WDFY4: variants seen among roughly 807,000 people sequenced by gnomAD.
The protein encoded by WDFY4 is WDFY family member 4, also known as WD repeat- and FYVE domain-containing protein 4.
A neutral mutation model predicts 351.9 loss-of-function variants in WDFY4; 169 were observed. That is an observed-to-expected ratio of 0.48 (90% CI 0.42 to 0.55). WDFY4 has a LOEUF of 0.55. WDFY4 is among the 20% of genes least tolerant of loss of function. The pLI is 0.00. For synonymous variants in WDFY4, 1,622 were observed against 1,574.6 expected (o/e 1.03, Z -0.71); for missense variants, 3,803 against 3,935.6 (o/e 0.97, Z 0.90).
chr10:48,807,551 G>A (rs2067300997), intron 27 of WDFY4, among the ~76,000 whole-genome samples: 1 of 152,156 alleles, frequency 6.6e-6, no homozygotes, highest in Admixed American at 6.5e-5. Flanking sequence ...ATGAAATGTT[G>A]CAGCCTATAA....
chr10:48,746,632 A>AT (rs1347812763), intron 12 of WDFY4, among the ~76,000 whole-genome samples: 1 of 152,082 alleles, frequency 6.6e-6, no homozygotes, highest in Non-Finnish European at 1.5e-5. Flanking sequence ...TTAAAAAAAA[A>AT]CATTTTTGGT....
At chr10:48,705,604 G>A (rs2063606133) in intron 1 of WDFY4, among the ~76,000 whole-genome samples, 1 of 152,160 alleles carries the variant, frequency 6.6e-6, no homozygotes, top group Non-Finnish European at 1.5e-5. Context: ...CAGATGAGCA[G>A]GAGGTGGGGC....
At chr10:48,955,948 G>T (rs1841569915) in intron 51 of WDFY4, among the ~76,000 whole-genome samples, 2 of 152,200 alleles carry the variant, frequency 1.3e-5, no homozygotes, top group Non-Finnish European at 2.9e-5. Flanking sequence ...GCCCAGCCTT[G>T]ATGAGGACAA....
intron 15 of WDFY4, among the ~76,000 whole-genome samples, chr10:48,776,085 C>T (rs1004978372): frequency 6.6e-6 from 1 of 152,120 alleles, no homozygotes; most frequent in Non-Finnish European, 1.5e-5. Context: ...TCCTTCATGA[C>T]ACAGCAGTAC....
intron 49 of WDFY4, among the ~76,000 whole-genome samples, chr10:48,944,868 G>A (rs1840958179): frequency 6.6e-6 from 1 of 152,094 alleles, no homozygotes; most frequent in African/African-American, 2.4e-5. Flanking sequence ...ATATCTTTTG[G>A]AAAACGGTGA....
In WDFY4 at chr10:48,760,366, G is replaced by T; in HGVS notation, c.2479G>T (p.Ala827Ser). The T allele has an allele frequency of 1.3e-6, 2 of 1,551,634 alleles. No individual in the cohort carries two copies. The highest frequency in any genetic ancestry group is 2.4e-5 in the South Asian group (2 of 84,052). Reference protein sequence around the residue: ...LEERMDEGDAAIMHPGVVCIM... With the variant: ...LEERMDEGDASIMHPGVVCIM... ...CTGCAGGATGGATGAGGGAGATGCT[G>T]CAATCATGCATCCCGGGGTCGTGTG... is the stretch of plus-strand genomic sequence containing the variant. Residue 827 changes from alanine to serine, a missense_variant, in exon 13 of 62, where the codon GCA becomes TCA. This residue lies in a region of WDFY4 where 3,054 missense variants were observed against 3,148.6 expected (regional missense o/e 0.97). Transcript: ENST00000325239.
intron 13 of WDFY4, among the ~76,000 whole-genome samples, chr10:48,768,723 A>AGAGAGAGAGAGAGAGAG (rs1555000834): frequency 1.3e-4 from 19 of 141,068 alleles, no homozygotes; most frequent in African/African-American, 4.8e-4. Context: ...GGGAGAGGAG[A>AGAGAGAGAGAGAGAGAG]AGAGAGAGAG....
chr10:48,809,161 T>TACCACCACCATCATCACCATC (rs2067355426), intron 28 of WDFY4, among the ~76,000 whole-genome samples: 3 of 141,726 alleles, frequency 2.1e-5, no homozygotes, highest in African/African-American at 7.9e-5. Flanking sequence ...CCATCACCAT[T>TACCACCACCATCATCACCATC]ACCACCACCA....
At chr10:48,969,388 A>T (rs1455301566) in intron 56 of WDFY4, 140 bp downstream of exon 56, 2 of 1,106,174 alleles carry the variant, frequency 1.8e-6, no homozygotes, top group Non-Finnish European at 2.5e-6. Context: ...CCTGGGCGGG[A>T]AAGGACTCAG....
intron 35 of WDFY4, chr10:48,823,728 A>G: frequency 5.0e-6 from 5 of 993,340 alleles, no homozygotes; most frequent in Non-Finnish European, 6.0e-6. Context: ...TCCCAAACAT[A>G]GGTGCCAGTG....
intron 12 of WDFY4, among the ~76,000 whole-genome samples, chr10:48,746,602 C>G (rs2065022362): frequency 6.6e-6 from 1 of 151,660 alleles, no homozygotes; most frequent in Admixed American, 6.6e-5. Context: ...TTCTACTTAG[C>G]TTTTTACATT....
At chr10:48,806,289 C>T (rs2067253553) in intron 27 of WDFY4, among the ~76,000 whole-genome samples, 194 bp downstream of exon 27, 1 of 152,214 alleles carries the variant, frequency 6.6e-6, no homozygotes. Flanking sequence ...TTATAGATTC[C>T]TGCTTTGAAA....
chr10:48,761,223 T>C (rs1306751013), intron 13 of WDFY4, among the ~76,000 whole-genome samples: 2 of 152,122 alleles, frequency 1.3e-5, no homozygotes, highest in Non-Finnish European at 2.9e-5. Context: ...AAGGGCTCCC[T>C]GGTCAGGCGA....
Position 48,796,501 on chromosome 10 carries a change from T to C in WDFY4, c.4410+51T>C, listed in dbSNP as rs373550587. On this transcript the variant is annotated intron_variant, in intron 24 of 61. Transcript: ENST00000325239. ...CTTCAGGAGTGTGTGTGATGGTAAATATGCTAAGTCTGGGCTTTCCCCTAA... is the reference window on the plus strand; with the variant it reads ...CTTCAGGAGTGTGTGTGATGGTAAACATGCTAAGTCTGGGCTTTCCCCTAA... The C allele has an allele frequency of 4.8e-5, 73 of 1,527,996 alleles. No homozygotes were observed. The East Asian group carries it at 1.2e-3, about 24-fold the overall frequency. The allele number at this position is 1,527,996 out of a possible 1,614,324, so 94.7% of individuals were successfully genotyped here.
intron 6 of WDFY4, 36 bp from the exon 7 acceptor site, chr10:48,727,434 A>G: frequency 6.5e-7 from 1 of 1,539,658 alleles, no homozygotes; most frequent in Non-Finnish European, 8.8e-7. Flanking sequence ...CTTGCTTCCA[A>G]GCTCAGCAGG....
At chr10:48,951,926 CAG>C (rs913830523) in intron 51 of WDFY4, among the ~76,000 whole-genome samples, 1 of 152,174 alleles carries the variant, frequency 6.6e-6, no homozygotes, top group African/African-American at 2.4e-5. Context: ...TAATAAGAAA[CAG>C]AGATAAAGTG....
At chr10:48,974,323 T>A (rs1842455389) in intron 57 of WDFY4, among the ~76,000 whole-genome samples, 1 of 151,520 alleles carries the variant, frequency 6.6e-6, no homozygotes, top group African/African-American at 2.4e-5. Context: ...GCTAACTTGG[T>A]GAAACCCCAT....
At chr10:48,928,606 T>C (rs927850509) in intron 47 of WDFY4, among the ~76,000 whole-genome samples, 8 of 152,190 alleles carry the variant, frequency 5.3e-5, no homozygotes, top group Non-Finnish European at 1.0e-4. Flanking sequence ...TCCTTTGAGC[T>C]GCACAGGCCC....
chr10:48,721,754 A>G (rs973106647), intron 4 of WDFY4, among the ~76,000 whole-genome samples: 1 of 152,138 alleles, frequency 6.6e-6, no homozygotes, highest in Admixed American at 6.5e-5. Context: ...AATCCTCCCA[A>G]GGACCCTATG....
Sources: allele counts gnomAD v4.1 joint callset (sites outside exome capture counted in the v4.1 genomes callset), GRCh38; gene constraint gnomAD v4.1.1; regional missense constraint gnomAD v4.1.1; transcripts MANE v1.5; gene names NCBI Gene and HGNC (gene_info 2026-07-23, HGNC 2026-07-21).